The following CSTPP1 variants were observed in gnomAD, a reference collection of about 807,000 sequenced individuals.
CSTPP1 encodes centriolar satellite-associated tubulin polyglutamylase complex regulator 1.
the CSTPP1 span, among the ~76,000 whole-genome samples, chr11:46,942,095 C>T: frequency 6.6e-6 from 1 of 152,270 alleles, no homozygotes; most frequent in Admixed American, 6.5e-5. Flanking sequence ...TAATCATGGC[C>T]TTGCATGGCT....
At chr11:47,036,264 T>TATATTATATA in the CSTPP1 span, among the ~76,000 whole-genome samples, 1 of 32,918 alleles carries the variant, frequency 3.0e-5, no homozygotes, top group African/African-American at 1.3e-4. Flanking sequence ...TATTATATAA[T>TATATTATATA]ATATATATTA....
chr11:47,158,066 G>A, the CSTPP1 span: 2 of 707,154 alleles, frequency 2.8e-6, no homozygotes, highest in Non-Finnish European at 4.8e-6. Flanking sequence ...ATCCCAGGGA[G>A]CAGGAATATG....
chr11:47,159,501 C>T, the CSTPP1 span: 2 of 402,242 alleles, frequency 5.0e-6, no homozygotes, highest in African/African-American at 4.3e-5. Flanking sequence ...CAGAGCAAGA[C>T]AGTCTCAAAA....
the CSTPP1 span, among the ~76,000 whole-genome samples, chr11:46,993,472 TCCAGTTTCAGCTTTCTACATATGGCTAG>T: frequency 6.6e-6 from 1 of 152,040 alleles, no homozygotes; most frequent in African/African-American, 2.4e-5. Context: ...AAGGAAGGGA[TCCAGTTTCAGCTTTCTACATATGGCTAG>T]CCAGTTTTCC....
chr11:47,116,917 G>T, the CSTPP1 span, among the ~76,000 whole-genome samples: 1 of 151,996 alleles, frequency 6.6e-6, no homozygotes, highest in African/African-American at 2.4e-5. Context: ...TCCTGACCTC[G>T]TGATCTGCCC....
At chr11:46,945,217 A>G in the CSTPP1 span, among the ~76,000 whole-genome samples, 3 of 152,162 alleles carry the variant, frequency 2.0e-5, no homozygotes, top group African/African-American at 7.2e-5. Context: ...TTAGGGCCTT[A>G]AAGTGTTTGG....
the CSTPP1 span, among the ~76,000 whole-genome samples, chr11:47,014,328 GAGAA>G: frequency 5.7e-5 from 8 of 140,588 alleles, no homozygotes; most frequent in South Asian, 6.8e-4. Flanking sequence ...GAGTAAAAGA[GAGAA>G]AGAAACAGAA....
At chr11:47,151,597 C>CGG in the CSTPP1 span, among the ~76,000 whole-genome samples, 4 of 150,224 alleles carry the variant, frequency 2.7e-5, no homozygotes, top group East Asian at 2.0e-4. Flanking sequence ...CAGAGGGTGG[C>CGG]GGGGGGAAGT....
chr11:47,158,776 C>G, the CSTPP1 span, among the ~76,000 whole-genome samples: 1 of 152,172 alleles, frequency 6.6e-6, no homozygotes, highest in Admixed American at 6.5e-5. Flanking sequence ...CTCAAGGGAT[C>G]CCCTCACCTT....
chr11:47,016,827 T>C, the CSTPP1 span, among the ~76,000 whole-genome samples: 2 of 149,992 alleles, frequency 1.3e-5, no homozygotes, highest in African/African-American at 4.9e-5. Flanking sequence ...ATGTGTACTT[T>C]TTCATTTAGT....
chr11:47,017,375 A>G, the CSTPP1 span, among the ~76,000 whole-genome samples: 1 of 151,466 alleles, frequency 6.6e-6, no homozygotes, highest in African/African-American at 2.4e-5. Flanking sequence ...GGGTTTCACC[A>G]TATTGGTCAG....
chr11:47,080,679 A>T, the CSTPP1 span, among the ~76,000 whole-genome samples: 1 of 152,118 alleles, frequency 6.6e-6, no homozygotes, highest in Non-Finnish European at 1.5e-5. Context: ...AGCAAGGTAG[A>T]TGGACAAAAT....
At chr11:47,164,140 A>G in the CSTPP1 span, 97 of 1,613,962 alleles carry the variant, frequency 6.0e-5, 4 homozygotes, top group South Asian at 9.7e-4. Context: ...CACAGAGCCA[A>G]GGAGCCAGGG....
chr11:46,942,989 G>A, the CSTPP1 span, among the ~76,000 whole-genome samples: 1 of 152,164 alleles, frequency 6.6e-6, no homozygotes, highest in South Asian at 2.1e-4. Context: ...TATTAAGGAT[G>A]AGGCTCTTGC....
the CSTPP1 span, among the ~76,000 whole-genome samples, chr11:47,045,289 A>G: frequency 6.6e-6 from 1 of 152,210 alleles, no homozygotes; most frequent in African/African-American, 2.4e-5. Flanking sequence ...TGCTGAAAGA[A>G]CTACAGGTTT....
At chr11:47,156,459 G>A in the CSTPP1 span, among the ~76,000 whole-genome samples, 1 of 152,226 alleles carries the variant, frequency 6.6e-6, no homozygotes, top group African/African-American at 2.4e-5. Flanking sequence ...TCAAATGACT[G>A]ACTCATCAGC....
chr11:47,048,944 G>A, the CSTPP1 span, among the ~76,000 whole-genome samples: 1 of 152,076 alleles, frequency 6.6e-6, no homozygotes, highest in Non-Finnish European at 1.5e-5. Flanking sequence ...GTTATAGAAA[G>A]TGTGCTTTGG....
At chr11:47,121,842 T>C in the CSTPP1 span, among the ~76,000 whole-genome samples, 1 of 151,476 alleles carries the variant, frequency 6.6e-6, no homozygotes, top group Non-Finnish European at 1.5e-5. Context: ...CCCAACACTT[T>C]GGGAGGATTG....
At chr11:47,161,147 G>A in the CSTPP1 span, 2 of 1,614,076 alleles carry the variant, frequency 1.2e-6, no homozygotes, top group African/African-American at 1.3e-5. Context: ...TGACAAGGGG[G>A]ATCTGATGCA....
Sources: allele counts gnomAD v4.1 joint callset (sites outside exome capture counted in the v4.1 genomes callset), GRCh38; gene constraint gnomAD v4.1.1; transcripts MANE v1.5; gene names NCBI Gene and HGNC (gene_info 2026-07-23, HGNC 2026-07-21).